The following AP3S1 variants were observed in gnomAD, a reference collection of about 807,000 sequenced individuals.
AP3S1 encodes adaptor related protein complex 3 subunit sigma 1.
A neutral mutation model predicts 21.3 loss-of-function variants in AP3S1; 12 were observed. The ratio of observed to expected loss-of-function variants is 0.56; its 90% CI spans 0.36 to 0.91. The LOEUF (loss-of-function observed/expected upper bound fraction) is 0.91, where lower values mean the gene tolerates loss of function less well. Among genes scored for constraint, AP3S1 ranks in the 40% least tolerant of loss-of-function variants. The pLI, the probability that AP3S1 is intolerant of heterozygous loss-of-function variation, is 0.01. For synonymous variants in AP3S1, 48 were observed against 78.4 expected, an observed-to-expected ratio of 0.61 and a Z score of 2.05; for missense variants, 116 against 225.0, an observed-to-expected ratio of 0.52 and a Z score of 3.10.
intron 3 of AP3S1, among the ~76,000 whole-genome samples, chr5:115,885,243 T>C (rs547846315): frequency 3.7e-4 from 57 of 152,276 alleles, no homozygotes; most frequent in South Asian, 1.2e-3. Context: ...TTAGGGAGAA[T>C]TGGCTCACAC....
intron 3 of AP3S1, among the ~76,000 whole-genome samples, chr5:115,887,611 T>C (rs1274337612): frequency 6.6e-6 from 1 of 152,162 alleles, no homozygotes; most frequent in African/African-American, 2.4e-5. Context: ...TGTTTTCTTT[T>C]GTGAGACATT....
At chr5:115,895,847 C>T (rs746148170) in intron 4 of AP3S1, among the ~76,000 whole-genome samples, 1 of 151,952 alleles carries the variant, frequency 6.6e-6, no homozygotes, top group Non-Finnish European at 1.5e-5. Flanking sequence ...AGGAAAAACG[C>T]TAAGATTAGG....
intron 5 of AP3S1, among the ~76,000 whole-genome samples, chr5:115,907,471 G>A (rs898255242): frequency 4.6e-5 from 7 of 152,050 alleles, no homozygotes; most frequent in African/African-American, 1.7e-4. Flanking sequence ...TGACCTGCAG[G>A]TGCATATTAA....
At chr5:115,904,433 T>G (rs1580743288) in intron 5 of AP3S1, among the ~76,000 whole-genome samples, 1 of 152,356 alleles carries the variant, frequency 6.6e-6, no homozygotes, top group East Asian at 1.9e-4. Flanking sequence ...TTGAAGCTTA[T>G]AAAACATTTT....
At chr5:115,880,777 T>G (rs1276177875) in intron 3 of AP3S1, among the ~76,000 whole-genome samples, 60 of 152,184 alleles carry the variant, frequency 3.9e-4, no homozygotes. Context: ...GTCTTGTGGA[T>G]CTGTCTAATA....
chr5:115,873,284 C>T (rs1024803425), intron 3 of AP3S1, among the ~76,000 whole-genome samples: 3 of 152,088 alleles, frequency 2.0e-5, no homozygotes, highest in South Asian at 2.1e-4. Context: ...GTCATGTACT[C>T]GTGGAAAGTA....
At chr5:115,889,748 G>C (rs1002839072) in intron 3 of AP3S1, among the ~76,000 whole-genome samples, 2 of 152,078 alleles carry the variant, frequency 1.3e-5, no homozygotes, top group Non-Finnish European at 2.9e-5. Flanking sequence ...GTCTGAGGTG[G>C]AAGGATTGCT....
intron 1 of AP3S1, among the ~76,000 whole-genome samples, chr5:115,849,905 C>G (rs1034217781): frequency 6.6e-6 from 1 of 151,368 alleles, no homozygotes; most frequent in Non-Finnish European, 1.5e-5. Flanking sequence ...AAAAAAAAAA[C>G]AAAAACAAAG....
chr5:115,868,239 CTT>C (rs1387260523), intron 2 of AP3S1, among the ~76,000 whole-genome samples: 11 of 152,124 alleles, frequency 7.2e-5, no homozygotes, highest in African/African-American at 2.7e-4. Context: ...CTTTTTGAAA[CTT>C]ATATTCTTCA....
At position 115,841,982 on chromosome 5, in the gene AP3S1, C is replaced by G. The variant is rs969279634; in HGVS notation, c.-56C>G. The G allele has an allele frequency of 1.3e-6, 2 of 1,527,418 alleles. No individual in the cohort carries two copies. The highest frequency in any genetic ancestry group is 1.4e-5 in the African/African-American group (1 of 71,960). 94.6% of individuals were successfully genotyped at this position (1,527,418 alleles called of 1,614,324 possible). On this transcript the variant is annotated 5_prime_UTR_variant, in exon 1 of 6. Transcript: ENST00000316788. ...GCAGGCGAGATTACGAGGCGAGGCT[C>G]GCGCGCCCGCCCCCGCCCTGGCCCC...
At chr5:115,907,627 A>G (rs1201967632) in intron 5 of AP3S1, among the ~76,000 whole-genome samples, 1 of 152,178 alleles carries the variant, frequency 6.6e-6, no homozygotes, top group African/African-American at 2.4e-5. Flanking sequence ...ACATCCAAAC[A>G]TGTCATAATC....
chr5:115,881,173 T>C (rs955193483), intron 3 of AP3S1, among the ~76,000 whole-genome samples: 2 of 152,218 alleles, frequency 1.3e-5, no homozygotes, highest in Admixed American at 6.5e-5. Context: ...CTGTGTCTTT[T>C]AATTAGGGTA....
At chr5:115,842,431 C>T in intron 1 of AP3S1, 1 of 242,084 alleles carries the variant, frequency 4.1e-6, no homozygotes, top group Non-Finnish European at 7.9e-6. Flanking sequence ...AGCCCAGCCG[C>T]GCCGCGGAGC....
chr5:115,904,893 T>C (rs1751508403), intron 5 of AP3S1, among the ~76,000 whole-genome samples: 1 of 152,196 alleles, frequency 6.6e-6, no homozygotes, highest in Non-Finnish European at 1.5e-5. Context: ...TGAATGAGTA[T>C]CTAGTAATTT....
At chr5:115,850,730 G>C (rs188194981) in intron 1 of AP3S1, among the ~76,000 whole-genome samples, 17 of 152,270 alleles carry the variant, frequency 1.1e-4, no homozygotes, top group Non-Finnish European at 1.8e-4. Flanking sequence ...TTCATTGTAT[G>C]TGTGTACATA....
At chr5:115,894,583 T>C (rs543260772) in intron 3 of AP3S1, among the ~76,000 whole-genome samples, 1 of 152,300 alleles carries the variant, frequency 6.6e-6, no homozygotes, top group African/African-American at 2.4e-5. Context: ...GTCATACAAG[T>C]TATTCAGTTT....
At chr5:115,845,836 C>CA (rs755171274) in intron 1 of AP3S1, among the ~76,000 whole-genome samples, 610 of 34,446 alleles carry the variant, frequency 0.018, 164 homozygotes, top group Non-Finnish European at 0.025. Context: ...GACTCCATCT[C>CA]AAAAAAAAAA....
rs1030457481 is a variant in AP3S1 at position 115,860,457 on chromosome 5, A to G, written c.70-6213A>G. On this transcript the variant is annotated intron_variant, in intron 1 of 5. Coordinates refer to ENST00000316788, the MANE Select transcript of AP3S1 (RefSeq NM_001284.4). ...ACCCTCCCTTTGATCTATTCCTAGT[A>G]ATAAAATTATGAACTTTTGTTGGGG... Among the ~76,000 whole-genome samples, 5 of 152,302 alleles carry G rather than the reference A, an allele frequency of 3.3e-5. No individual in the cohort carries two copies. In the East Asian group the frequency reaches 9.6e-4, roughly 29 times the overall value.
At chr5:115,842,828 G>T (rs1255953747) in intron 1 of AP3S1, among the ~76,000 whole-genome samples, 2 of 152,218 alleles carry the variant, frequency 1.3e-5, no homozygotes, top group Admixed American at 6.5e-5. Context: ...TACCCTCGAA[G>T]TAACCGGCGA....
Sources: allele counts gnomAD v4.1 joint callset (sites outside exome capture counted in the v4.1 genomes callset), GRCh38; gene constraint gnomAD v4.1.1; transcripts MANE v1.5; gene names NCBI Gene and HGNC (gene_info 2026-07-23, HGNC 2026-07-21).